TTC28: variants seen among roughly 807,000 people sequenced by gnomAD.
TTC28 encodes the protein tetratricopeptide repeat domain 28.
A neutral mutation model predicts 198.0 loss-of-function variants in TTC28; 61 were observed. The ratio of observed to expected loss-of-function variants is 0.31; its 90% CI spans 0.25 to 0.38. The LOEUF is 0.38. Among genes scored for constraint, TTC28 ranks in the 10% least tolerant of loss-of-function variants. The probability of loss-of-function intolerance (pLI) is 1.00; values close to 1 mark genes in which losing one functional copy is unlikely to be tolerated. For missense variants in TTC28, 2,678 were observed against 3,164.0 expected, an observed-to-expected ratio of 0.85 and a Z score of 3.69; for synonymous variants, 1,171 against 1,297.8, an observed-to-expected ratio of 0.90 and a Z score of 2.10.
chr22:28,386,278 A>G (rs1173692624), intron 2 of TTC28, among the ~76,000 whole-genome samples: 2 of 27,212 alleles, frequency 7.3e-5, no homozygotes, highest in Non-Finnish European at 2.1e-4. Flanking sequence ...CCGTCTCAAA[A>G]AAAAAAAAAA....
chr22:28,184,554 TCC>T (rs1924011197), intron 5 of TTC28, among the ~76,000 whole-genome samples: 1 of 152,090 alleles, frequency 6.6e-6, no homozygotes, highest in South Asian at 2.1e-4. Context: ...TTAATTAAGA[TCC>T]TAAGTTACAT....
chr22:28,528,144 C>A (rs1191017723), intron 2 of TTC28, among the ~76,000 whole-genome samples: 1 of 152,116 alleles, frequency 6.6e-6, no homozygotes, highest in Non-Finnish European at 1.5e-5. Context: ...ATGAAAAGCA[C>A]AGGAAATGAG....
At chr22:28,308,423 GAC>G (rs1364317768) in intron 2 of TTC28, among the ~76,000 whole-genome samples, 3 of 151,910 alleles carry the variant, frequency 2.0e-5, no homozygotes, top group African/African-American at 7.3e-5. Flanking sequence ...CTTATTAAGA[GAC>G]ACAAAAAATG....
intron 1 of TTC28, among the ~76,000 whole-genome samples, chr22:28,640,861 C>G (rs1264739081): frequency 6.6e-6 from 1 of 152,134 alleles, no homozygotes; most frequent in Non-Finnish European, 1.5e-5. Flanking sequence ...CAATTCTACT[C>G]TTAGGTATCT....
At chr22:28,060,590 AT>A (rs1439494262) in intron 12 of TTC28, among the ~76,000 whole-genome samples, 3 of 152,248 alleles carry the variant, frequency 2.0e-5, no homozygotes, top group Non-Finnish European at 2.9e-5. Context: ...AGCATGATTT[AT>A]AATCCTTTGG....
intron 2 of TTC28, among the ~76,000 whole-genome samples, chr22:28,545,982 A>T (rs139635156): frequency 2.6e-5 from 4 of 152,248 alleles, no homozygotes; most frequent in Non-Finnish European, 5.9e-5. Flanking sequence ...AGCTGATTCT[A>T]TAATTTACAT....
At chr22:28,600,946 C>T (rs1237605414) in intron 2 of TTC28, among the ~76,000 whole-genome samples, 1 of 152,082 alleles carries the variant, frequency 6.6e-6, no homozygotes, top group East Asian at 1.9e-4. Context: ...AATTCCGTGT[C>T]TAAATTGACT....
intron 2 of TTC28, among the ~76,000 whole-genome samples, chr22:28,335,233 T>C (rs535572846): frequency 4.9e-4 from 75 of 152,210 alleles, no homozygotes; most frequent in Non-Finnish European, 9.1e-4. Flanking sequence ...TTGGTACCAG[T>C]ACCATGCTGT....
intron 5 of TTC28, among the ~76,000 whole-genome samples, chr22:28,174,919 T>C (rs1267681812): frequency 1.3e-5 from 2 of 152,236 alleles, no homozygotes; most frequent in Non-Finnish European, 1.5e-5. Context: ...TGTTCATTCA[T>C]TCTTGCATTC....
intron 5 of TTC28, among the ~76,000 whole-genome samples, chr22:28,214,830 C>G (rs1253966935): frequency 3.9e-5 from 6 of 152,200 alleles, no homozygotes; most frequent in Non-Finnish European, 2.9e-5. Flanking sequence ...GACACATGCA[C>G]ACGTATGTTT....
At chr22:28,618,521 A>G (rs2050938659) in intron 2 of TTC28, among the ~76,000 whole-genome samples, 1 of 152,038 alleles carries the variant, frequency 6.6e-6, no homozygotes, top group Non-Finnish European at 1.5e-5. Flanking sequence ...GTCTTTACTA[A>G]AAATATAAAA....
At chr22:28,256,654 C>T (rs1243637613) in intron 5 of TTC28, among the ~76,000 whole-genome samples, 2 of 152,136 alleles carry the variant, frequency 1.3e-5, no homozygotes, top group South Asian at 2.1e-4. Flanking sequence ...GGAGATATCA[C>T]ATTACCTGAC....
intron 14 of TTC28, among the ~76,000 whole-genome samples, chr22:28,012,101 T>A (rs1420157799): frequency 6.6e-6 from 1 of 152,084 alleles, no homozygotes; most frequent in Non-Finnish European, 1.5e-5. Context: ...AGGCTGGTAG[T>A]AAGTCACTGA....
intron 2 of TTC28, among the ~76,000 whole-genome samples, chr22:28,356,405 C>A (rs567507162): frequency 1.3e-5 from 2 of 152,256 alleles, no homozygotes; most frequent in South Asian, 4.1e-4. Flanking sequence ...AAGAGCAGAG[C>A]CAGTTATTTA....
chr22:28,276,976 T>C (rs1183517637), intron 5 of TTC28, among the ~76,000 whole-genome samples: 1 of 152,112 alleles, frequency 6.6e-6, no homozygotes, highest in Non-Finnish European at 1.5e-5. Context: ...GCAAGCCTCC[T>C]AAAAAATAGT....
chr22:28,608,774 T>C (rs765105664), intron 2 of TTC28, among the ~76,000 whole-genome samples: 8 of 152,124 alleles, frequency 5.3e-5, no homozygotes, highest in Non-Finnish European at 7.4e-5. Context: ...AACTTAGTAG[T>C]TCAAGGCATT....
intron 13 of TTC28, among the ~76,000 whole-genome samples, chr22:28,020,778 AACACACACAC>A (rs34174077): frequency 6.7e-6 from 1 of 148,898 alleles, no homozygotes; most frequent in Admixed American, 6.7e-5. Flanking sequence ...CCCCTCCCCC[AACACACACAC>A]ACACACACAC....
intron 2 of TTC28, among the ~76,000 whole-genome samples, chr22:28,376,050 T>C (rs987771462): frequency 3.3e-5 from 5 of 152,224 alleles, no homozygotes; most frequent in African/African-American, 9.6e-5. Flanking sequence ...GGTCTCCAGC[T>C]TGCAGACTGC....
At chr22:28,168,730 C>T (rs1922312217) in intron 5 of TTC28, among the ~76,000 whole-genome samples, 1 of 152,222 alleles carries the variant, frequency 6.6e-6, no homozygotes, top group Non-Finnish European at 1.5e-5. Flanking sequence ...TAGAAGAAAA[C>T]CTAGGCAATA....
Sources: allele counts gnomAD v4.1 joint callset (sites outside exome capture counted in the v4.1 genomes callset), GRCh38; gene constraint gnomAD v4.1.1; transcripts MANE v1.5; gene names NCBI Gene and HGNC (gene_info 2026-07-23, HGNC 2026-07-21).